Variants in PTPRD observed in about 807,000 individuals in gnomAD.
The protein encoded by PTPRD is receptor-type tyrosine-protein phosphatase delta.
PTPRD carries 34 observed loss-of-function variants against 214.5 expected under a neutral mutation model. That is an observed-to-expected ratio of 0.16 (90% CI 0.12 to 0.21). The LOEUF is 0.21. PTPRD is among the 10% of genes least tolerant of loss of function. The pLI, the probability that PTPRD is intolerant of heterozygous loss-of-function variation, is 1.00. For missense variants in PTPRD, 2,545 were observed against 2,398.7 expected, an observed-to-expected ratio of 1.06 and a Z score of -1.27; for synonymous variants, 1,128 against 845.7, an observed-to-expected ratio of 1.33 and a Z score of -5.79.
chr9:9,837,132 G>C (rs974218868), intron 5 of PTPRD, among the ~76,000 whole-genome samples: 1 of 152,068 alleles, frequency 6.6e-6, no homozygotes, highest in Non-Finnish European at 1.5e-5. Flanking sequence ...CCAATGTTTA[G>C]CCAATTTTTG....
chr9:8,657,672 C>A (rs1021780738), intron 12 of PTPRD, among the ~76,000 whole-genome samples: 4 of 152,048 alleles, frequency 2.6e-5, no homozygotes, highest in Non-Finnish European at 4.4e-5. Flanking sequence ...GCTTTTGTTG[C>A]AATTGTTTTT....
At chr9:10,369,316 C>T (rs1041826390) in intron 2 of PTPRD, among the ~76,000 whole-genome samples, 1 of 151,908 alleles carries the variant, frequency 6.6e-6, no homozygotes, top group Non-Finnish European at 1.5e-5. Context: ...ATCTATTTTC[C>T]CAAAAGATCA....
At chr9:10,507,539 C>G (rs1382170672) in intron 2 of PTPRD, among the ~76,000 whole-genome samples, 2 of 152,150 alleles carry the variant, frequency 1.3e-5, no homozygotes, top group African/African-American at 4.8e-5. Context: ...CGCTACCTGA[C>G]TTCAAACTAT....
chr9:8,343,468 CATT>C (rs1259969686), intron 39 of PTPRD, among the ~76,000 whole-genome samples: 1 of 151,990 alleles, frequency 6.6e-6, no homozygotes, highest in African/African-American at 2.4e-5. Flanking sequence ...CTGATGCAAA[CATT>C]AATATAGAGC....
At chr9:9,921,482 C>T (rs1435569767) in intron 5 of PTPRD, among the ~76,000 whole-genome samples, 1 of 151,574 alleles carries the variant, frequency 6.6e-6, no homozygotes, top group African/African-American at 2.4e-5. Flanking sequence ...AGTAAAATAT[C>T]TTAGAATGAT....
intron 11 of PTPRD, among the ~76,000 whole-genome samples, chr9:8,791,820 C>G (rs1235213711): frequency 6.6e-6 from 1 of 151,946 alleles, no homozygotes; most frequent in African/African-American, 2.4e-5. Flanking sequence ...GCTCTTTTGA[C>G]CCAGGTGTTT....
chr9:8,564,602 A>G (rs1287588841), intron 14 of PTPRD, among the ~76,000 whole-genome samples: 1 of 152,148 alleles, frequency 6.6e-6, no homozygotes, highest in African/African-American at 2.4e-5. Context: ...TCAGGGGCTG[A>G]GGCAGGAGAA....
At chr9:9,126,000 A>G (rs566150012) in intron 10 of PTPRD, among the ~76,000 whole-genome samples, 1 of 152,284 alleles carries the variant, frequency 6.6e-6, no homozygotes, top group South Asian at 2.1e-4. Context: ...AGGGTGCTCC[A>G]GGTACAGAAT....
intron 11 of PTPRD, among the ~76,000 whole-genome samples, chr9:8,835,426 T>A (rs1191643169): frequency 8.6e-5 from 13 of 151,998 alleles, no homozygotes. Flanking sequence ...CTTCTTAGAG[T>A]CTCCCTTGAC....
intron 5 of PTPRD, among the ~76,000 whole-genome samples, chr9:9,890,265 C>G (rs915872490): frequency 1.3e-5 from 2 of 151,940 alleles, no homozygotes; most frequent in Non-Finnish European, 1.5e-5. Context: ...TGATACGATC[C>G]TGGCTCACTG....
chr9:9,498,026 C>T (rs984932161), intron 8 of PTPRD, among the ~76,000 whole-genome samples: 1 of 151,990 alleles, frequency 6.6e-6, no homozygotes, highest in Non-Finnish European at 1.5e-5. Flanking sequence ...GATAACAGTT[C>T]CCAGTTTTGC....
chr9:10,201,738 T>C (rs775536674), intron 3 of PTPRD, among the ~76,000 whole-genome samples: 25 of 152,094 alleles, frequency 1.6e-4, no homozygotes, highest in Non-Finnish European at 2.4e-4. Flanking sequence ...AGCAAACATA[T>C]ATGTAAGCAT....
intron 35 of PTPRD, among the ~76,000 whole-genome samples, chr9:8,410,885 T>C (rs1299619136): frequency 6.6e-6 from 1 of 152,146 alleles, no homozygotes; most frequent in Non-Finnish European, 1.5e-5. Context: ...TAAACTATGC[T>C]CATAGTAAAT....
chr9:8,725,639 T>A (rs1300328090), intron 12 of PTPRD, among the ~76,000 whole-genome samples: 1 of 152,164 alleles, frequency 6.6e-6, no homozygotes, highest in Non-Finnish European at 1.5e-5. Context: ...ACTAACAACA[T>A]TTAGTGAATA....
At chr9:10,531,056 TCTC>T (rs905555835) in intron 2 of PTPRD, among the ~76,000 whole-genome samples, 6 of 151,982 alleles carry the variant, frequency 3.9e-5, no homozygotes, top group Non-Finnish European at 1.5e-5. Context: ...TTCAAGTAAT[TCTC>T]CTGCGTAAGC....
intron 2 of PTPRD, among the ~76,000 whole-genome samples, chr9:10,604,935 T>G (rs543627512): frequency 6.6e-6 from 1 of 152,050 alleles, no homozygotes; most frequent in African/African-American, 2.4e-5. Context: ...CAAAAGTTCC[T>G]GCTGAGTAGT....
chr9:9,432,028 T>C (rs1172473682), intron 8 of PTPRD, among the ~76,000 whole-genome samples: 2 of 146,912 alleles, frequency 1.4e-5, no homozygotes, highest in African/African-American at 5.0e-5. Flanking sequence ...GTTGTGTACA[T>C]GTACCCTAGA....
intron 5 of PTPRD, among the ~76,000 whole-genome samples, chr9:9,798,451 GT>G (rs1288717849): frequency 6.6e-6 from 1 of 152,176 alleles, no homozygotes; most frequent in African/African-American, 2.4e-5. Context: ...ATCAAGGGTT[GT>G]TTGTTCAGTT....
intron 5 of PTPRD, among the ~76,000 whole-genome samples, chr9:9,873,097 A>C: frequency 6.6e-6 from 1 of 152,172 alleles, no homozygotes; most frequent in East Asian, 1.9e-4. Context: ...TGATTATTCC[A>C]TGAAGTCAGC....
Sources: gnomAD v4.1 joint callset for allele counts (sites outside exome capture counted in the v4.1 genomes callset) on GRCh38, gnomAD v4.1.1 for gene constraint, MANE v1.5 for transcripts, NCBI Gene and HGNC (gene_info 2026-07-23, HGNC 2026-07-21) for gene names.